RHOBTB1: variants seen among roughly 807,000 people sequenced by gnomAD.
The protein encoded by RHOBTB1 is Rho related BTB domain containing 1, also known as rho-related BTB domain-containing protein 1.
A neutral mutation model predicts 71.6 loss-of-function variants in RHOBTB1; 40 were observed. The ratio of observed to expected loss-of-function variants is 0.56; its 90% CI spans 0.43 to 0.73. The LOEUF is 0.73. RHOBTB1 is among the 30% of genes least tolerant of loss of function. The probability of loss-of-function intolerance (pLI) is 0.00; values close to 1 mark genes in which losing one functional copy is unlikely to be tolerated. For synonymous variants in RHOBTB1, 319 were observed against 334.9 expected (o/e 0.95, Z 0.52); for missense variants, 797 against 894.0 (o/e 0.89, Z 1.38).
At chr10:60,962,053 C>T (rs138109011) in intron 2 of RHOBTB1, among the ~76,000 whole-genome samples, 78 of 152,122 alleles carry the variant, frequency 5.1e-4, no homozygotes, top group African/African-American at 1.8e-3. Context: ...ATTGATCCGC[C>T]GGCCTCGGCC....
intron 3 of RHOBTB1, 85 bp downstream of exon 3, chr10:60,911,266 T>C (rs1218166481): frequency 7.6e-7 from 1 of 1,308,786 alleles, no homozygotes; most frequent in Non-Finnish European, 1.0e-6. Flanking sequence ...GTGTAATTTA[T>C]CCACGCTCCT....
intron 2 of RHOBTB1, among the ~76,000 whole-genome samples, chr10:60,971,886 G>A (rs189882684): frequency 2.9e-4 from 44 of 152,222 alleles, no homozygotes; most frequent in Admixed American, 2.7e-3. Context: ...AAAAGGATAT[G>A]AACAGACACT....
intron 4 of RHOBTB1, among the ~76,000 whole-genome samples, chr10:60,894,477 G>A (rs2082069259): frequency 6.6e-6 from 1 of 152,146 alleles, no homozygotes; most frequent in Non-Finnish European, 1.5e-5. Context: ...AACATGTCTT[G>A]TCTTTGGGAT....
At chr10:60,987,796 T>C (rs1205441053) in intron 1 of RHOBTB1, among the ~76,000 whole-genome samples, 1 of 152,060 alleles carries the variant, frequency 6.6e-6, no homozygotes, top group Non-Finnish European at 1.5e-5. Flanking sequence ...CACATAACCT[T>C]TGCAGACATT....
intron 4 of RHOBTB1, among the ~76,000 whole-genome samples, chr10:60,908,500 CA>C (rs939565554): frequency 6.6e-6 from 1 of 151,768 alleles, no homozygotes; most frequent in African/African-American, 2.4e-5. Context: ...TTTGCAAAAA[CA>C]AAAAAGGTTT....
intron 1 of RHOBTB1, among the ~76,000 whole-genome samples, chr10:61,000,552 T>C (rs1390582791): frequency 6.6e-6 from 1 of 152,184 alleles, no homozygotes; most frequent in Non-Finnish European, 1.5e-5. Context: ...ATTCTAACAA[T>C]GCCACACCTG....
intron 2 of RHOBTB1, among the ~76,000 whole-genome samples, chr10:60,931,299 C>A (rs931072960): frequency 5.3e-5 from 8 of 152,134 alleles, no homozygotes; most frequent in Non-Finnish European, 1.0e-4. Flanking sequence ...TTTCCATTAT[C>A]CCCCAAAGAA....
At chr10:60,934,470 G>A (rs567182200) in intron 2 of RHOBTB1, among the ~76,000 whole-genome samples, 15 of 152,258 alleles carry the variant, frequency 9.9e-5, no homozygotes, top group African/African-American at 3.6e-4. Flanking sequence ...AAGACCATGG[G>A]AAAACATTCT....
chr10:60,930,002 A>G (rs1433010172), intron 2 of RHOBTB1, among the ~76,000 whole-genome samples: 10 of 152,222 alleles, frequency 6.6e-5, no homozygotes, highest in African/African-American at 2.4e-4. Flanking sequence ...TGTCAACCAA[A>G]TTCTCTGGCT....
intron 2 of RHOBTB1, among the ~76,000 whole-genome samples, chr10:60,975,546 A>T (rs1404011993): frequency 4.6e-5 from 7 of 152,120 alleles, no homozygotes. Context: ...TTGCATGGAA[A>T]TACTAGGTAA....
chr10:60,902,212 G>T (rs1378201462), intron 4 of RHOBTB1, among the ~76,000 whole-genome samples: 1 of 152,176 alleles, frequency 6.6e-6, no homozygotes. Context: ...TCTTCTGTGC[G>T]CCAGATGATT....
intron 2 of RHOBTB1, among the ~76,000 whole-genome samples, chr10:60,962,759 TA>T (rs2085827305): frequency 6.6e-6 from 1 of 152,158 alleles, no homozygotes; most frequent in South Asian, 2.1e-4. Context: ...AATAGTTTTT[TA>T]AAATGTTCTG....
the RHOBTB1 span, among the ~76,000 whole-genome samples, chr10:60,861,963 G>T: frequency 1.3e-5 from 2 of 152,172 alleles, no homozygotes; most frequent in Non-Finnish European, 2.9e-5. Context: ...GGGTTGCTTA[G>T]AATTTGGGCA....
intron 2 of RHOBTB1, among the ~76,000 whole-genome samples, chr10:60,957,980 GACTT>G (rs1468130945): frequency 2.0e-5 from 3 of 152,288 alleles, no homozygotes; most frequent in Non-Finnish European, 4.4e-5. Flanking sequence ...AAAGTGGAAT[GACTT>G]ACTGTGAGCA....
intron 5 of RHOBTB1, among the ~76,000 whole-genome samples, chr10:60,890,908 A>G (rs2081884882): frequency 6.6e-6 from 1 of 152,210 alleles, no homozygotes; most frequent in South Asian, 2.1e-4. Context: ...GCTCAAATAC[A>G]AACTCCTTCA....
intron 2 of RHOBTB1, among the ~76,000 whole-genome samples, chr10:60,932,292 T>G (rs1410106516): frequency 6.6e-6 from 1 of 151,936 alleles, no homozygotes; most frequent in African/African-American, 2.4e-5. Context: ...AACATAGAAT[T>G]CTGTAAATGA....
chr10:60,874,005 T>C (rs565359264), intron 9 of RHOBTB1, among the ~76,000 whole-genome samples: 1 of 152,362 alleles, frequency 6.6e-6, no homozygotes, highest in East Asian at 1.9e-4. Flanking sequence ...AGCAATCTCC[T>C]CTGGCCACAG....
At chr10:60,867,613 A>G (rs1465473196), downstream of RHOBTB1, among the ~76,000 whole-genome samples, 2 of 152,350 alleles carry the variant, frequency 1.3e-5, no homozygotes, top group Admixed American at 1.3e-4. Flanking sequence ...CTGTTCATAA[A>G]TTACTTTCAT....
chr10:60,950,799 C>T (rs1398650478), intron 2 of RHOBTB1, among the ~76,000 whole-genome samples: 1 of 152,118 alleles, frequency 6.6e-6, no homozygotes, highest in African/African-American at 2.4e-5. Context: ...TTTAGGAGTG[C>T]CAAAGATTAA....
Sources: allele counts gnomAD v4.1 joint callset (sites outside exome capture counted in the v4.1 genomes callset), GRCh38; gene constraint gnomAD v4.1.1; transcripts MANE v1.5; gene names NCBI Gene and HGNC (gene_info 2026-07-23, HGNC 2026-07-21).